ARHGEF10: variants seen among roughly 807,000 people sequenced by gnomAD.
ARHGEF10 encodes the protein Rho guanine nucleotide exchange factor (GEF) 10.
A neutral mutation model predicts 147.4 loss-of-function variants in ARHGEF10; 140 were observed. The observed-to-expected ratio is 0.95, with a 90% confidence interval of 0.83 to 1.09. ARHGEF10 has a LOEUF of 1.09. Ranked by LOEUF, ARHGEF10 falls within the 50% of genes least tolerant of loss-of-function variation. ARHGEF10 has a pLI of 0.00. For missense variants in ARHGEF10, 2,222 were observed against 1,752.7 expected (o/e 1.27, Z -4.78); for synonymous variants, 902 against 695.8 (o/e 1.30, Z -4.67).
At chr8:1,950,493 G>T (rs1396438075) in intron 27 of ARHGEF10, among the ~76,000 whole-genome samples, 1 of 151,742 alleles carries the variant, frequency 6.6e-6, no homozygotes, top group Non-Finnish European at 1.5e-5. Context: ...ATTCATATCG[G>T]GTTTCTACCT....
chr8:1,888,901 G>A (rs200009719), intron 11 of ARHGEF10, among the ~76,000 whole-genome samples: 2 of 141,016 alleles, frequency 1.4e-5, no homozygotes, highest in African/African-American at 5.9e-5. Flanking sequence ...ACTGAGTTGG[G>A]TGAGGGTTGT....
rs59354545 is a variant in ARHGEF10 at position 1,906,399 on chromosome 8, G to A, written c.1967+683G>A. Among the ~76,000 whole-genome samples, 1,015 of 152,270 alleles carry A rather than the reference G, an allele frequency of 6.7e-3. 14 individuals are homozygous for A. The highest frequency in any genetic ancestry group is 0.023 in the African/African-American group (953 of 41,550). On this transcript the variant is annotated intron_variant, in intron 17 of 28. Transcript: ENST00000349830. ...GTTGCTAAACATTTGGTAGCTTGAA[G>A]TCATCCACACGGGAACATTTACAGC... is the stretch of plus-strand genomic sequence containing the variant.
At chr8:1,866,449 ACT>A in intron 5 of ARHGEF10, 75 bp from the exon 6 acceptor site, 7 of 1,029,252 alleles carry the variant, frequency 6.8e-6, no homozygotes, top group South Asian at 1.3e-5. Context: ...ACACACACAC[ACT>A]CTGCAGGGCA....
At chr8:1,888,421 ACACTGAGTGTGGAGGGCTGTGAGGAGG>A (rs1472169288) in intron 11 of ARHGEF10, among the ~76,000 whole-genome samples, 9 of 142,232 alleles carry the variant, frequency 6.3e-5, no homozygotes, top group African/African-American at 2.5e-4. Flanking sequence ...TTGTGAGGAG[ACACTGAGTGTGGAGGGCTGTGAGGAGG>A]CACTGAGTGG....
intron 18 of ARHGEF10, among the ~76,000 whole-genome samples, chr8:1,917,479 G>C (rs1811845387): frequency 1.3e-5 from 2 of 152,142 alleles, no homozygotes; most frequent in Non-Finnish European, 2.9e-5. Context: ...GGCTTTTCCA[G>C]CCGTCCTTGC....
intron 23 of ARHGEF10, chr8:1,926,737 G>T (rs536933157): frequency 6.2e-6 from 3 of 486,570 alleles, no homozygotes; most frequent in African/African-American, 3.9e-5. Flanking sequence ...ACTAATAAGA[G>T]AATAATTTTA....
intron 20 of ARHGEF10, 61 bp downstream of exon 20, chr8:1,923,656 G>C: frequency 1.2e-6 from 2 of 1,614,128 alleles, no homozygotes; most frequent in Non-Finnish European, 1.7e-6. Flanking sequence ...ATGGTTCTTT[G>C]TCATGACATG....
chr8:1,827,808 C>G (rs1023022492), intron 1 of ARHGEF10, among the ~76,000 whole-genome samples: 1 of 152,122 alleles, frequency 6.6e-6, no homozygotes, highest in Admixed American at 6.5e-5. Context: ...TTTTTCTCTT[C>G]CATGGGTCAC....
chr8:1,911,625 A>T (rs1405407091), intron 18 of ARHGEF10, among the ~76,000 whole-genome samples: 2 of 152,162 alleles, frequency 1.3e-5, no homozygotes, highest in Admixed American at 1.3e-4. Flanking sequence ...CAGGGCTTCT[A>T]TCCCGACACG....
rs1157760642 is a variant in ARHGEF10 at position 1,850,107 on chromosome 8, C to T, written c.37+6671C>T. ...GGCAAATGCTGAGGAGGGCGTGGGC[C>T]GGCTGCATGGACACAGAGGGCAAAT... On this transcript the variant is annotated intron_variant, in intron 2 of 28. Transcript: ENST00000349830. 3.5e-4 allele frequency among the ~76,000 whole-genome samples: 42 copies of T among 120,370 alleles called. 1 individual carries two copies. Among genetic ancestry groups the T allele is most frequent in the Middle Eastern group, 6.0e-3 (1 of 168 alleles). 79.0% of individuals were successfully genotyped at this position (120,370 alleles called of 152,430 possible).
intron 7 of ARHGEF10, among the ~76,000 whole-genome samples, chr8:1,875,779 G>A (rs1472898581): frequency 1.3e-5 from 2 of 152,182 alleles, no homozygotes; most frequent in Non-Finnish European, 2.9e-5. Context: ...GGCTTTGAAT[G>A]TTACTTATGT....
intron 21 of ARHGEF10, 121 bp from the exon 22 acceptor site, chr8:1,925,162 G>A (rs1207079214): frequency 2.0e-5 from 24 of 1,214,328 alleles, no homozygotes; most frequent in Non-Finnish European, 2.6e-5. Flanking sequence ...AAAACATGGC[G>A]TTGTCTGGCC....
At chr8:1,825,932 GT>G in intron 1 of ARHGEF10, 2 of 625,036 alleles carry the variant, frequency 3.2e-6, no homozygotes, top group Non-Finnish European at 5.6e-6. Flanking sequence ...TTAATAATAT[GT>G]TTTGAACACC....
At chr8:1,838,842 A>G (rs78752078) in intron 1 of ARHGEF10, among the ~76,000 whole-genome samples, 2,230 of 149,898 alleles carry the variant, frequency 0.015, 88 homozygotes, top group East Asian at 0.097. Flanking sequence ...GCTGTCTGGC[A>G]TGGAAGCTGT....
intron 12 of ARHGEF10, among the ~76,000 whole-genome samples, chr8:1,894,165 C>G (rs1809774845): frequency 1.8e-5 from 2 of 110,140 alleles, no homozygotes; most frequent in African/African-American, 4.1e-5. Flanking sequence ...CAGACTGAGA[C>G]TGTCTCAAAA....
At chr8:1,865,708 G>A (rs981884058) in intron 5 of ARHGEF10, among the ~76,000 whole-genome samples, 3 of 129,116 alleles carry the variant, frequency 2.3e-5, no homozygotes, top group African/African-American at 3.0e-5. Context: ...TGCTCTGCAC[G>A]GATTATCACG....
chr8:1,949,750 C>G (rs1402468710), intron 27 of ARHGEF10, among the ~76,000 whole-genome samples: 5 of 151,810 alleles, frequency 3.3e-5, no homozygotes, highest in African/African-American at 1.2e-4. Flanking sequence ...AAACCGGACT[C>G]AAGATGGTGA....
intron 7 of ARHGEF10, among the ~76,000 whole-genome samples, chr8:1,874,031 A>C (rs1029736866): frequency 2.1e-4 from 32 of 152,336 alleles, no homozygotes; most frequent in African/African-American, 7.2e-4. Context: ...GAGGACAATA[A>C]GTCGATGGCG....
intron 6 of ARHGEF10, among the ~76,000 whole-genome samples, chr8:1,867,651 G>A (rs750255656): frequency 6.6e-6 from 1 of 152,182 alleles, no homozygotes; most frequent in African/African-American, 2.4e-5. Context: ...CAGATCTGCA[G>A]TCCCACCTGC....
Sources: allele counts gnomAD v4.1 joint callset (sites outside exome capture counted in the v4.1 genomes callset), GRCh38; gene constraint gnomAD v4.1.1; transcripts MANE v1.5; gene names NCBI Gene and HGNC (gene_info 2026-07-23, HGNC 2026-07-21).